Variants in PCDHGA11 observed in about 807,000 individuals in gnomAD.
The protein encoded by PCDHGA11 is protocadherin gamma-A11.
A neutral mutation model predicts 60.4 loss-of-function variants in PCDHGA11; 39 were observed. The observed-to-expected ratio is 0.65, with a 90% CI of 0.50 to 0.84. The LOEUF is 0.84. Ranked by LOEUF, PCDHGA11 falls within the 40% of genes least tolerant of loss-of-function variation. The pLI, the probability that PCDHGA11 is intolerant of heterozygous loss-of-function variation, is 0.00. For synonymous variants in PCDHGA11, 533 were observed against 510.3 expected (o/e 1.04, Z -0.60); for missense variants, 1,165 against 1,197.7 (o/e 0.97, Z 0.40).
chr5:141,505,628 A>C, intron 3 of PCDHGA11, 147 bp downstream of exon 3: 1 of 1,481,752 alleles, frequency 6.7e-7, no homozygotes, highest in Non-Finnish European at 9.0e-7. Flanking sequence ...ACAATTCCAA[A>C]CATAAAGCCT....
intron 3 of PCDHGA11, among the ~76,000 whole-genome samples, chr5:141,509,320 C>A (rs1261653347): frequency 6.6e-6 from 1 of 152,194 alleles, no homozygotes; most frequent in Non-Finnish European, 1.5e-5. Flanking sequence ...GGGAGAGAAG[C>A]TCTACTGCCA....
At chr5:141,506,130 GAGA>G (rs560751517) in intron 3 of PCDHGA11, among the ~76,000 whole-genome samples, 2 of 152,170 alleles carry the variant, frequency 1.3e-5, no homozygotes, top group Admixed American at 1.3e-4. Context: ...CCCAGAGCAG[GAGA>G]AGAAGAATAT....
Position 141,476,187 on chromosome 5 carries a change from G to A in PCDHGA11, c.2434-18620G>A. 6.2e-7 allele frequency: 1 copy of A among 1,613,782 alleles called. No individual in the cohort carries two copies. The highest frequency in any genetic ancestry group is 1.1e-5 in the South Asian group (1 of 91,072). ...GTAGTGGGAGTTTTGCTTCTGCTTG[G>A]TGCCTTGAACAAGGCTTCCACGGTC... On this transcript the variant is annotated intron_variant, in intron 1 of 3. Coordinates refer to ENST00000398587, the MANE Select transcript of PCDHGA11 (RefSeq NM_018914.3). This position sits in a 1 kb window ranked among gnomAD's most constrained non-coding sequence, Gnocchi z 7.6.
At chr5:141,462,813 TTGG>T (rs1474162732) in intron 1 of PCDHGA11, among the ~76,000 whole-genome samples, 1 of 152,198 alleles carries the variant, frequency 6.6e-6, no homozygotes, top group African/African-American at 2.4e-5. Flanking sequence ...AATGTTTTTA[TTGG>T]ACAGCAGACA....
intron 1 of PCDHGA11, among the ~76,000 whole-genome samples, chr5:141,465,119 A>T (rs2099097382): frequency 6.6e-6 from 1 of 151,780 alleles, no homozygotes; most frequent in Non-Finnish European, 1.5e-5. Flanking sequence ...GTTTTAGCCT[A>T]AATTTGTAAA....
Position 141,432,220 on chromosome 5 carries a change from C to T in PCDHGA11, c.2433+8560C>T. The T allele has an allele frequency of 6.2e-7, 1 of 1,614,246 alleles. No homozygotes were observed. Among genetic ancestry groups the T allele is most frequent in the Non-Finnish European group, 8.5e-7 (1 of 1,180,040 alleles). Reference sequence around the variant, plus strand: ...CCGACTGTGAAGAGAACGCCCAGATCACTTATTCCCTGGCTGAGAACACCA... The same window carrying T: ...CCGACTGTGAAGAGAACGCCCAGATTACTTATTCCCTGGCTGAGAACACCA... On this transcript the variant is annotated intron_variant, in intron 1 of 3. Coordinates refer to ENST00000398587, the MANE Select transcript of PCDHGA11 (RefSeq NM_018914.3). The surrounding 1 kb of genome is among the most constrained non-coding windows in gnomAD (Gnocchi z 6.0).
At chr5:141,447,937 T>A (rs1036604034) in intron 1 of PCDHGA11, among the ~76,000 whole-genome samples, 1 of 151,852 alleles carries the variant, frequency 6.6e-6, no homozygotes, top group Non-Finnish European at 1.5e-5. Context: ...AATACAAAAA[T>A]TAGCTGGGCA....
chr5:141,490,279 G>A lies in PCDHGA11; in HGVS notation c.2434-4528G>A, dbSNP rs1344083401. The A allele has an allele frequency of 5.6e-6, 9 of 1,614,228 alleles. No individual in the cohort carries two copies. In the East Asian group the frequency reaches 1.8e-4, roughly 32 times the overall value. On this transcript the variant is annotated intron_variant, in intron 1 of 3. Coordinates refer to ENST00000398587, the MANE Select transcript of PCDHGA11 (RefSeq NM_018914.3). This position sits in a 1 kb window ranked among gnomAD's most constrained non-coding sequence, Gnocchi z 5.4. ...GGATGTGGGGGATGTCAATGACAAT[G>A]CCCCAGAGGTGCTATTGGCCTCTTT...
chr5:141,426,887 G>A (rs1309180455), intron 1 of PCDHGA11: 1 of 456,646 alleles, frequency 2.2e-6, no homozygotes, highest in Non-Finnish European at 4.4e-6. Context: ...TGGGCCAGGA[G>A]CAACAGAGCT....
intron 1 of PCDHGA11, among the ~76,000 whole-genome samples, chr5:141,454,172 CAGCTAAAGG>C (rs1351117555): frequency 6.6e-6 from 1 of 152,126 alleles, no homozygotes; most frequent in Admixed American, 6.5e-5. Context: ...TCTAGAAGGG[CAGCTAAAGG>C]AGCTTAGTGA....
At chr5:141,434,515 G>A (rs1032584764) in intron 1 of PCDHGA11, among the ~76,000 whole-genome samples, 1 of 152,296 alleles carries the variant, frequency 6.6e-6, no homozygotes, top group African/African-American at 2.4e-5. Context: ...CTGCTTAAAG[G>A]TGTTCTTAAA....
intron 1 of PCDHGA11, among the ~76,000 whole-genome samples, chr5:141,492,782 C>T (rs2099743868): frequency 6.6e-6 from 1 of 152,258 alleles, no homozygotes; most frequent in Non-Finnish European, 1.5e-5. Context: ...GAGTGAGCCT[C>T]TATAGGACAG....
chr5:141,439,428 C>T (rs1191911600), intron 1 of PCDHGA11, among the ~76,000 whole-genome samples: 1 of 152,170 alleles, frequency 6.6e-6, no homozygotes, highest in Non-Finnish European at 1.5e-5. Flanking sequence ...TATAAATTCC[C>T]AGGAATATTT....
At chr5:141,494,926 G>C in intron 2 of PCDHGA11, 61 bp downstream of exon 2, 2 of 1,613,498 alleles carry the variant, frequency 1.2e-6, no homozygotes, top group Non-Finnish European at 1.7e-6. Context: ...GGATGACGTG[G>C]GAGGAGATGG....
In PCDHGA11 at chr5:141,421,090, G is replaced by C. The variant is rs552694052; in HGVS notation, c.-138G>C. On this transcript the variant is annotated 5_prime_UTR_variant, in exon 1 of 4. The change abolishes the stop of an existing upstream ORF in the 5' untranslated region. Coordinates refer to ENST00000398587, the MANE Select transcript of PCDHGA11 (RefSeq NM_018914.3). Reference sequence around the variant, plus strand: ...AATGAGATGGATACTCACAGATCCTGACACTGGAGACTTAGAAGTATTTTC... The same window carrying C: ...AATGAGATGGATACTCACAGATCCTCACACTGGAGACTTAGAAGTATTTTC... The C allele has an allele frequency of 1.5e-6, 1 of 661,192 alleles. No individual in the cohort carries two copies. The highest frequency in any genetic ancestry group is 3.2e-5 in the Admixed American group (1 of 31,730). 41.0% of individuals were successfully genotyped at this position (661,192 alleles called of 1,614,324 possible).
rs1156927948 is a variant in PCDHGA11, at chr5:141,490,342, G to A, written c.2434-4465G>A. 16 of 1,614,126 alleles carry A rather than the reference G, an allele frequency of 9.9e-6. 1 individual carries two copies. In the Admixed American group the frequency reaches 1.3e-4, roughly 13 times the overall value. ...CCTAGAGAGCACACCAGTGGGCACA[G>A]TAGTGGGGTTGTTTAATGTGCGAGA... On this transcript the variant is annotated intron_variant, in intron 1 of 3. Coordinates refer to ENST00000398587, the MANE Select transcript of PCDHGA11 (RefSeq NM_018914.3). This position sits in a 1 kb window ranked among gnomAD's most constrained non-coding sequence, Gnocchi z 5.4.
At chr5:141,462,152 G>C (rs1336635196) in intron 1 of PCDHGA11, among the ~76,000 whole-genome samples, 6 of 152,034 alleles carry the variant, frequency 3.9e-5, no homozygotes, top group African/African-American at 7.2e-5. Flanking sequence ...TAGAGATGGG[G>C]TTTCATCATG....
intron 1 of PCDHGA11, among the ~76,000 whole-genome samples, chr5:141,458,890 C>A (rs369529373): frequency 2.0e-5 from 3 of 152,042 alleles, no homozygotes; most frequent in African/African-American, 7.2e-5. Flanking sequence ...GCACACCATG[C>A]GCAGCTAATT....
At chr5:141,428,362 G>T (rs868168419) in intron 1 of PCDHGA11, 2 of 556,756 alleles carry the variant, frequency 3.6e-6, no homozygotes, top group Non-Finnish European at 6.6e-6. Context: ...TTTGGCGGTC[G>T]CCTTGCACCT....
Sources: allele counts gnomAD v4.1 joint callset (sites outside exome capture counted in the v4.1 genomes callset), GRCh38; gene constraint gnomAD v4.1.1; non-coding constraint Gnocchi (gnomAD v3.1); transcripts MANE v1.5; gene names NCBI Gene and HGNC (gene_info 2026-07-23, HGNC 2026-07-21).